FHIT: variants seen among roughly 807,000 people sequenced by gnomAD.
FHIT encodes fragile histidine triad diadenosine triphosphatase.
Under a neutral mutation model 17.9 loss-of-function variants are expected in FHIT, and 19 were observed. The ratio of observed to expected loss-of-function variants is 1.06; its 90% CI spans 0.74 to 1.56. FHIT has a LOEUF of 1.56. Ranked by LOEUF, FHIT falls within the 40% of genes most tolerant of loss-of-function variation. The probability of loss-of-function intolerance (pLI) is 0.00; values close to 1 mark genes in which losing one functional copy is unlikely to be tolerated. For missense variants in FHIT, 248 were observed against 189.2 expected, an observed-to-expected ratio of 1.31 and a Z score of -1.82; for synonymous variants, 81 against 69.7, an observed-to-expected ratio of 1.16 and a Z score of -0.81.
At chr3:60,953,636 A>G (rs1163207660) in intron 3 of FHIT, among the ~76,000 whole-genome samples, 1 of 152,056 alleles carries the variant, frequency 6.6e-6, no homozygotes, top group East Asian at 1.9e-4. Flanking sequence ...AAAAATGCCA[A>G]CATCCCTTCC....
intron 3 of FHIT, among the ~76,000 whole-genome samples, chr3:60,963,931 T>C (rs1168462521): frequency 1.3e-5 from 2 of 152,226 alleles, no homozygotes; most frequent in African/African-American, 4.8e-5. Flanking sequence ...GAGAGTTCTG[T>C]AGATGTCTAT....
At chr3:61,112,846 A>C (rs2036198861) in intron 2 of FHIT, among the ~76,000 whole-genome samples, 1 of 152,190 alleles carries the variant, frequency 6.6e-6, no homozygotes, top group Non-Finnish European at 1.5e-5. Context: ...CTGATGAGGC[A>C]TTAATGAGAC....
chr3:60,434,592 C>A (rs1037429399), intron 5 of FHIT, among the ~76,000 whole-genome samples: 3 of 152,000 alleles, frequency 2.0e-5, no homozygotes, highest in Admixed American at 6.6e-5. Context: ...ATGTACATTA[C>A]CTTGTCTCTA....
intron 8 of FHIT, among the ~76,000 whole-genome samples, chr3:59,797,653 T>C (rs977136191): frequency 6.6e-6 from 1 of 152,176 alleles, no homozygotes; most frequent in Non-Finnish European, 1.5e-5. Flanking sequence ...GCCGATATTA[T>C]ATAATTGTCA....
At chr3:60,553,539 A>G (rs868815941) in intron 4 of FHIT, 305 of 139,836 alleles carry the variant, frequency 2.2e-3, no homozygotes, top group Middle Eastern at 0.015. Context: ...AGAGAGGGAG[A>G]GAGAGAGAGA....
At chr3:60,040,231 C>T (rs187819331) in intron 5 of FHIT, among the ~76,000 whole-genome samples, 29 of 152,060 alleles carry the variant, frequency 1.9e-4, no homozygotes, top group African/African-American at 4.3e-4. Context: ...CTGCAACCTC[C>T]GCCTCCCAGG....
intron 5 of FHIT, among the ~76,000 whole-genome samples, chr3:60,393,016 T>C (rs1701291567): frequency 6.6e-6 from 1 of 152,124 alleles, no homozygotes; most frequent in Admixed American, 6.6e-5. Context: ...TGTTCATTCT[T>C]CTCATTAAAT....
At chr3:59,840,406 AAAAG>A (rs1701491002) in intron 8 of FHIT, among the ~76,000 whole-genome samples, 1 of 151,340 alleles carries the variant, frequency 6.6e-6, no homozygotes, top group South Asian at 2.1e-4. Flanking sequence ...AAAAAAAAAA[AAAAG>A]AAAGAAACCA....
intron 4 of FHIT, among the ~76,000 whole-genome samples, chr3:60,815,151 T>A (rs1490075611): frequency 1.3e-5 from 2 of 151,934 alleles, no homozygotes; most frequent in African/African-American, 4.8e-5. Flanking sequence ...AGACCTTTAG[T>A]GGTTGTGTAA....
intron 5 of FHIT, among the ~76,000 whole-genome samples, chr3:60,448,789 G>T (rs992897961): frequency 6.6e-6 from 1 of 152,134 alleles, no homozygotes; most frequent in African/African-American, 2.4e-5. Flanking sequence ...TGGGAGCCAT[G>T]ATTCTTCCCT....
intron 8 of FHIT, among the ~76,000 whole-genome samples, chr3:59,826,950 T>C (rs1700999856): frequency 6.6e-6 from 1 of 152,364 alleles, no homozygotes; most frequent in East Asian, 1.9e-4. Flanking sequence ...TTCTTTTTTA[T>C]ATGCCTCCCT....
intron 8 of FHIT, among the ~76,000 whole-genome samples, chr3:59,854,246 G>A (rs1260312743): frequency 6.6e-6 from 1 of 152,130 alleles, no homozygotes; most frequent in South Asian, 2.1e-4. Flanking sequence ...ATGCTTTAAA[G>A]GGTCCCTGCT....
At position 59,917,193 on chromosome 3, in the gene FHIT, G is replaced by A. The variant is rs180834751; in HGVS notation, c.348+5153C>T. On this transcript the variant is annotated intron_variant, in intron 8 of 9. Transcript: ENST00000492590. ...GCCAAGCAATTGTTTCCCATGACAT[G>A]CTTGAACCCACAGTTGCTTTGTCTA... 5.6e-4 allele frequency among the ~76,000 whole-genome samples: 85 copies of A among 152,350 alleles called. 1 individual carries two copies. The highest frequency in any genetic ancestry group is 1.1e-3 in the Non-Finnish European group (72 of 68,042).
At chr3:59,935,261 C>T (rs546419171) in intron 7 of FHIT, among the ~76,000 whole-genome samples, 8 of 152,274 alleles carry the variant, frequency 5.3e-5, no homozygotes, top group Middle Eastern at 3.4e-3. Context: ...CAAGATTTGT[C>T]ACCCTTGTGC....
At chr3:60,018,569 T>A (rs1266923254) in intron 5 of FHIT, among the ~76,000 whole-genome samples, 1 of 152,104 alleles carries the variant, frequency 6.6e-6, no homozygotes, top group Non-Finnish European at 1.5e-5. Flanking sequence ...TAGTCAGCAA[T>A]AACTGTCAGA....
At chr3:60,005,660 G>T (rs1384647560) in intron 7 of FHIT, among the ~76,000 whole-genome samples, 2 of 152,114 alleles carry the variant, frequency 1.3e-5, no homozygotes, top group Admixed American at 1.3e-4. Flanking sequence ...CAAGATAAAA[G>T]CTACAGCATC....
intron 3 of FHIT, among the ~76,000 whole-genome samples, chr3:60,941,932 T>C (rs371850655): frequency 6.6e-6 from 1 of 152,228 alleles, no homozygotes; most frequent in South Asian, 2.1e-4. Context: ...TTAGGTTCCC[T>C]GTCAAACACT....
intron 8 of FHIT, among the ~76,000 whole-genome samples, chr3:59,868,064 A>AC (rs1702740421): frequency 6.6e-6 from 1 of 151,638 alleles, no homozygotes; most frequent in African/African-American, 2.4e-5. Context: ...AAAAAAAAAA[A>AC]AACCTTTCAT....
chr3:60,174,633 G>T (rs1271444299), intron 5 of FHIT, among the ~76,000 whole-genome samples: 3 of 148,318 alleles, frequency 2.0e-5, no homozygotes, highest in Non-Finnish European at 3.0e-5. Flanking sequence ...TGCTTTCAAG[G>T]TCCATGCTTT....
Sources: gnomAD v4.1 joint callset for allele counts (sites outside exome capture counted in the v4.1 genomes callset) on GRCh38, gnomAD v4.1.1 for gene constraint, MANE v1.5 for transcripts, NCBI Gene and HGNC (gene_info 2026-07-23, HGNC 2026-07-21) for gene names.